CEP63: variants seen among roughly 807,000 people sequenced by gnomAD.
The protein encoded by CEP63 is centrosomal protein 63.
In CEP63, 84 loss-of-function variants were observed where a neutral mutation model predicts 89.1. The observed-to-expected ratio is 0.94, with a 90% CI of 0.79 to 1.13. CEP63 has a LOEUF of 1.13. CEP63 is among the 50% of genes most tolerant of loss of function. The pLI, the probability that CEP63 is intolerant of heterozygous loss-of-function variation, is 0.00. For missense variants in CEP63, 838 were observed against 813.3 expected, an observed-to-expected ratio of 1.03 and a Z score of -0.37; for synonymous variants, 267 against 272.5, an observed-to-expected ratio of 0.98 and a Z score of 0.20.
the CEP63 span, among the ~76,000 whole-genome samples, chr3:134,693,529 C>T: frequency 6.6e-6 from 1 of 152,226 alleles, no homozygotes; most frequent in African/African-American, 2.4e-5. Flanking sequence ...GTAATCAATG[C>T]AAGACGTTTT....
At chr3:134,596,042 A>G in the CEP63 span, among the ~76,000 whole-genome samples, 1 of 106,508 alleles carries the variant, frequency 9.4e-6, no homozygotes. Flanking sequence ...TCCCGTGGAA[A>G]GGTTTGTTTG....
In CEP63 at chr3:134,558,234, G is replaced by A; in HGVS notation, c.1560G>A (p.Leu520=). 1 of 1,613,574 alleles carries A rather than the reference G, an allele frequency of 6.2e-7. No homozygotes were observed. The stretch of plus-strand genomic sequence containing the variant: ...AAAATCAACAACTACAGAAAGATTT[G>A]ATGAATACCAAATCTCAGCTGGAGA... ...VSENQQLQKD[L]MNTKSQLEIS... The change falls in exon 13 of 15, where the codon TTG becomes TTA. Residue 520 remains leucine, a synonymous_variant. Coordinates refer to ENST00000675561, the MANE Select transcript of CEP63 (RefSeq NM_001353108.3).
chr3:134,643,099 T>C, the CEP63 span, among the ~76,000 whole-genome samples: 1 of 152,194 alleles, frequency 6.6e-6, no homozygotes, highest in African/African-American at 2.4e-5. Flanking sequence ...GGGCTTTATT[T>C]CTTGATCTCA....
chr3:134,538,555 G>GTATATATATATATA (rs1322990322), intron 6 of CEP63, among the ~76,000 whole-genome samples: 2 of 42,500 alleles, frequency 4.7e-5, no homozygotes, highest in Admixed American at 4.9e-4. Flanking sequence ...ATATATATAT[G>GTATATATATATATA]TATATATATA....
chr3:134,724,126 A>T, the CEP63 span, among the ~76,000 whole-genome samples: 1 of 152,168 alleles, frequency 6.6e-6, no homozygotes, highest in Non-Finnish European at 1.5e-5. Context: ...CTTCAAATTC[A>T]CGCCCCTCAC....
Position 134,547,166 on chromosome 3 carries a change from A to G in CEP63, c.930-169A>G, listed in dbSNP as rs189949994. Among the ~76,000 whole-genome samples, 178 of 152,322 alleles carry G rather than the reference A, an allele frequency of 1.2e-3. 1 individual carries two copies. The highest frequency in any genetic ancestry group is 4.1e-3 in the African/African-American group (170 of 41,564). On this transcript the variant is annotated intron_variant, in intron 8 of 14. Transcript: ENST00000675561. ...AATTGCTACTTTTTGAAGTATCAGC[A>G]TCTCTTGACTCTTTCTTTCCTCTCC...
intron 3 of CEP63, among the ~76,000 whole-genome samples, chr3:134,530,851 T>G (rs970337950): frequency 1.3e-5 from 2 of 152,218 alleles, no homozygotes; most frequent in African/African-American, 4.8e-5. Flanking sequence ...TTCTAGTACT[T>G]TAAAAAAATT....
intron 3 of CEP63, among the ~76,000 whole-genome samples, chr3:134,508,620 T>C (rs1576880632): frequency 6.6e-6 from 1 of 152,344 alleles, no homozygotes; most frequent in South Asian, 2.1e-4. Flanking sequence ...ATTTAGTCAC[T>C]GTAATGCTAA....
chr3:134,571,598 G>A (rs1025692805), intron 11 of CEP63, among the ~76,000 whole-genome samples: 12 of 152,070 alleles, frequency 7.9e-5, no homozygotes, highest in Non-Finnish European at 1.2e-4. Flanking sequence ...GGAGAATGGC[G>A]TGGACCCAGG....
At chr3:134,504,468 G>A (rs1942940858) in intron 2 of CEP63, among the ~76,000 whole-genome samples, 1 of 152,178 alleles carries the variant, frequency 6.6e-6, no homozygotes. Context: ...CTGTTAGTCT[G>A]ATGGCAATAT....
the CEP63 span, among the ~76,000 whole-genome samples, chr3:134,609,247 G>C: frequency 5.3e-5 from 8 of 152,248 alleles, no homozygotes; most frequent in Admixed American, 3.3e-4. Flanking sequence ...GTGCTGTGCA[G>C]CTGTGCTGGC....
intron 6 of CEP63, among the ~76,000 whole-genome samples, chr3:134,538,279 A>C (rs1439210770): frequency 6.8e-6 from 1 of 146,010 alleles, no homozygotes; most frequent in East Asian, 2.0e-4. Flanking sequence ...TCAATAATGC[A>C]TTAACTTTTT....
chr3:134,562,400 A>G lies in CEP63; in HGVS notation c.*865A>G. ...GAAATAGATCTAGCAAAGGAACTAG[A>G]ATGTGCAGTTACAGATGAGAAAGGT... On this transcript the variant is annotated 3_prime_UTR_variant, in exon 15 of 15. Transcript: ENST00000675561. 5.4e-6 allele frequency: 1 copy of G among 186,028 alleles called. No homozygotes were observed. The highest frequency in any genetic ancestry group is 1.0e-5 in the Non-Finnish European group (1 of 98,776). The allele number at this position is 186,028 out of a possible 1,614,324, so 11.5% of individuals were successfully genotyped here. A position where few individuals can be genotyped will look rare whatever the true frequency, so the allele number is the denominator to read the frequency against.
chr3:134,734,153 G>A, the CEP63 span, among the ~76,000 whole-genome samples: 38 of 151,974 alleles, frequency 2.5e-4, 1 homozygote, highest in Non-Finnish European at 5.3e-4. Flanking sequence ...ATAAAAACGT[G>A]TTTACATGAA....
chr3:134,586,347 T>A (rs1265826077), intron 10 of CEP63, among the ~76,000 whole-genome samples: 1 of 152,072 alleles, frequency 6.6e-6, no homozygotes, highest in Non-Finnish European at 1.5e-5. Flanking sequence ...TTCCTTTCCA[T>A]GTTTAGTGCT....
the CEP63 span, among the ~76,000 whole-genome samples, chr3:134,734,167 C>T: frequency 6.6e-6 from 1 of 152,144 alleles, no homozygotes; most frequent in South Asian, 2.1e-4. Context: ...ACATGAAAAC[C>T]TACACATGTC....
intron 8 of CEP63, 62 bp downstream of exon 8, chr3:134,546,350 G>C (rs143098200): frequency 7.1e-7 from 1 of 1,406,968 alleles, no homozygotes; most frequent in African/African-American, 1.4e-5. Context: ...TAAGCACTAG[G>C]CTTATTTTTA....
chr3:134,743,868 A>G, the CEP63 span, among the ~76,000 whole-genome samples: 1 of 152,148 alleles, frequency 6.6e-6, no homozygotes, highest in African/African-American at 2.4e-5. Context: ...CTGGTGTCCA[A>G]ATCTTTCTAA....
At chr3:134,494,834 T>G (rs1418397021) in intron 1 of CEP63, among the ~76,000 whole-genome samples, 2 of 152,154 alleles carry the variant, frequency 1.3e-5, no homozygotes, top group Non-Finnish European at 1.5e-5. Context: ...GTGAGTAGGC[T>G]TTCCCATGAT....
Sources: gnomAD v4.1 joint callset for allele counts (sites outside exome capture counted in the v4.1 genomes callset) on GRCh38, gnomAD v4.1.1 for gene constraint, MANE v1.5 for transcripts, NCBI Gene and HGNC (gene_info 2026-07-23, HGNC 2026-07-21) for gene names.